The following HSD17B11 variants were observed in gnomAD, a reference collection of about 807,000 sequenced individuals.
HSD17B11 encodes hydroxysteroid 17-beta dehydrogenase 11.
A neutral mutation model predicts 27.8 loss-of-function variants in HSD17B11; 22 were observed. That is an observed-to-expected ratio of 0.79 (90% confidence interval 0.56 to 1.13). The LOEUF (loss-of-function observed/expected upper bound fraction) is 1.13, where lower values mean the gene tolerates loss of function less well. Ranked by LOEUF, HSD17B11 falls within the 50% of genes most tolerant of loss-of-function variation. The pLI is 0.00. For missense variants in HSD17B11, 314 were observed against 351.1 expected, an observed-to-expected ratio of 0.89 and a Z score of 0.84; for synonymous variants, 117 against 132.8, an observed-to-expected ratio of 0.88 and a Z score of 0.82.
At chr4:87,339,532 C>G (rs751552063) in intron 6 of HSD17B11, among the ~76,000 whole-genome samples, 35 of 152,142 alleles carry the variant, frequency 2.3e-4, no homozygotes, top group Non-Finnish European at 4.3e-4. Context: ...ATCCTGATAT[C>G]CCACTGACTT....
chr4:87,379,039 C>T (rs1276759345), intron 2 of HSD17B11, among the ~76,000 whole-genome samples: 1 of 138,600 alleles, frequency 7.2e-6, no homozygotes, highest in African/African-American at 2.6e-5. Context: ...CTCACTACAA[C>T]CTCCGCCTCC....
rs531672586 is a variant in HSD17B11 at position 87,337,958 on chromosome 4, C to T, written c.813-592G>A. 9.8e-5 allele frequency among the ~76,000 whole-genome samples: 15 copies of T among 152,364 alleles called. No homozygotes were observed. In the East Asian group the frequency reaches 2.9e-3, roughly 29 times the overall value. On this transcript the variant is annotated intron_variant, in intron 6 of 6. Transcript: ENST00000358290. The stretch of plus-strand genomic sequence containing the variant: ...CTTGGCCTGGCGTGGTGGCTCACGC[C>T]TGTAATCCCAGCACTTTGGGAGGCA...
chr4:87,378,917 TAAATATATATAA>T (rs1461975148), intron 2 of HSD17B11, among the ~76,000 whole-genome samples: 407 of 13,948 alleles, frequency 0.029, 24 homozygotes, highest in African/African-American at 0.06. Context: ...TATATATATA[TAAATATATATAA>T]ATATATATAT....
intron 4 of HSD17B11, among the ~76,000 whole-genome samples, chr4:87,370,821 C>T (rs1471171952): frequency 2.9e-5 from 3 of 105,008 alleles, no homozygotes; most frequent in Non-Finnish European, 5.6e-5. Context: ...GGCGCGATCT[C>T]GGCTCACTGC....
intron 2 of HSD17B11, among the ~76,000 whole-genome samples, 158 bp downstream of exon 2, chr4:87,382,097 C>T (rs184712277): frequency 2.0e-4 from 31 of 152,268 alleles, no homozygotes; most frequent in Non-Finnish European, 2.5e-4. Context: ...GTTCAGTTCT[C>T]GGTTCTAGTT....
In HSD17B11 at chr4:87,391,160, A is replaced by G; in HGVS notation, c.-90T>C. The G allele has an allele frequency of 1.1e-6, 1 of 927,440 alleles. No homozygotes were observed. Among genetic ancestry groups the G allele is most frequent in the South Asian group, 1.6e-5 (1 of 62,616 alleles). 57.5% of individuals were successfully genotyped at this position (927,440 alleles called of 1,614,324 possible). On this transcript the variant is annotated 5_prime_UTR_variant, in exon 1 of 7. Transcript: ENST00000358290. ...GAGGGTAGCTCGATCTAACACCAGA[A>G]AGAGTAGGGGCGAGAGCAAGGAGGA... is the stretch of plus-strand genomic sequence containing the variant.
intron 4 of HSD17B11, among the ~76,000 whole-genome samples, chr4:87,357,988 G>C (rs1179990148): frequency 1.5e-5 from 1 of 65,232 alleles, no homozygotes; most frequent in Non-Finnish European, 3.0e-5. Context: ...TTGAGACAGA[G>C]TCTTGCTCTG....
intron 2 of HSD17B11, among the ~76,000 whole-genome samples, chr4:87,375,265 C>T (rs113465578): frequency 0.023 from 3,549 of 152,140 alleles, 152 homozygotes; most frequent in African/African-American, 0.082. Flanking sequence ...CATGTGTCAA[C>T]AGGGGAAAAA....
intron 4 of HSD17B11, among the ~76,000 whole-genome samples, chr4:87,362,312 G>T (rs1439131559): frequency 1.3e-5 from 2 of 152,230 alleles, no homozygotes; most frequent in African/African-American, 4.8e-5. Context: ...GATCACTTGA[G>T]GTCAGGAGTT....
intron 4 of HSD17B11, among the ~76,000 whole-genome samples, chr4:87,360,523 T>C (rs1370743325): frequency 6.6e-6 from 1 of 152,250 alleles, no homozygotes; most frequent in African/African-American, 2.4e-5. Context: ...GTCCCCTTGT[T>C]CTGGTAATAC....
intron 4 of HSD17B11, among the ~76,000 whole-genome samples, chr4:87,364,407 G>A (rs529926158): frequency 3.6e-4 from 55 of 152,294 alleles, no homozygotes; most frequent in Middle Eastern, 6.8e-3. Context: ...TGAGTTTGGG[G>A]GAGGGGGGTT....
intron 2 of HSD17B11, among the ~76,000 whole-genome samples, chr4:87,380,850 C>G (rs1333083842): frequency 4.3e-5 from 4 of 94,094 alleles, no homozygotes; most frequent in African/African-American, 1.7e-4. Context: ...AAAGCTAGAG[C>G]TAGACTCTAT....
chr4:87,338,545 T>C (rs1735097061), intron 6 of HSD17B11, among the ~76,000 whole-genome samples: 1 of 152,128 alleles, frequency 6.6e-6, no homozygotes, highest in African/African-American at 2.4e-5. Flanking sequence ...ATTTTATTTA[T>C]TTATTTTTGA....
At chr4:87,341,861 G>A (rs947356607) in intron 5 of HSD17B11, among the ~76,000 whole-genome samples, 5 of 149,790 alleles carry the variant, frequency 3.3e-5, no homozygotes, top group African/African-American at 1.2e-4. Flanking sequence ...GCTAGACCCT[G>A]TCTCTAAATA....
Position 87,382,283 on chromosome 4 carries a change from C to T in HSD17B11, c.290G>A (p.Arg97Gln), listed in dbSNP as rs1194326533. 5.6e-6 allele frequency: 9 copies of T among 1,613,522 alleles called. No individual in the cohort carries two copies. Among genetic ancestry groups the T allele is most frequent in the South Asian group, 2.2e-5 (2 of 91,064 alleles). The change falls in exon 2 of 7, where the codon CGA becomes CAA. Residue 97 changes from arginine to glutamine, a missense_variant. Coordinates refer to ENST00000358290, the MANE Select transcript of HSD17B11 (RefSeq NM_016245.5). ...CTTTGCAGAGCTGTAAATATCTTCT[C>T]GGTTGCTGCAGTCTACCACAAAGGT... ...VHTFVVDCSN[R>Q]EDIYSSAKKV...
chr4:87,357,949 A>ATTTTTTT (rs57139706), intron 4 of HSD17B11, among the ~76,000 whole-genome samples: 3,500 of 79,914 alleles, frequency 0.044, 512 homozygotes, highest in East Asian at 0.13. Context: ...CATTAGAGAA[A>ATTTTTTT]TTTTTTTTTT....
intron 4 of HSD17B11, among the ~76,000 whole-genome samples, chr4:87,371,379 A>T (rs1735713026): frequency 6.6e-6 from 1 of 152,192 alleles, no homozygotes. Flanking sequence ...GGCAAAATTA[A>T]TCTAAGGTGT....
chr4:87,380,108 C>T (rs1204191827), intron 2 of HSD17B11, among the ~76,000 whole-genome samples: 1 of 132,174 alleles, frequency 7.6e-6, no homozygotes, highest in Admixed American at 7.6e-5. Flanking sequence ...AAGACTCTGT[C>T]TCAAAAAAAA....
At chr4:87,339,145 C>G (rs1266905690) in intron 6 of HSD17B11, among the ~76,000 whole-genome samples, 5 of 152,196 alleles carry the variant, frequency 3.3e-5, no homozygotes, top group African/African-American at 4.8e-5. Flanking sequence ...AAAATTCCTT[C>G]TTCTATAGGT....
Sources: allele counts gnomAD v4.1 joint callset (sites outside exome capture counted in the v4.1 genomes callset), GRCh38; gene constraint gnomAD v4.1.1; transcripts MANE v1.5; gene names NCBI Gene and HGNC (gene_info 2026-07-23, HGNC 2026-07-21).